Variants in GRHL3 observed in about 807,000 individuals in gnomAD.
The protein encoded by GRHL3 is grainyhead-like protein 3 homolog.
GRHL3 carries 20 observed loss-of-function variants against 70.3 expected under a neutral mutation model. The observed-to-expected ratio is 0.28, with a 90% CI of 0.20 to 0.41. The LOEUF is 0.41. GRHL3 is among the 10% of genes least tolerant of loss of function. GRHL3 has a pLI of 1.00. For missense variants in GRHL3, 637 were observed against 762.3 expected (o/e 0.84, Z 1.94); for synonymous variants, 299 against 299.9 (o/e 1.00, Z 0.03).
intron 1 of GRHL3, among the ~76,000 whole-genome samples, chr1:24,328,953 GT>G (rs940842402): frequency 6.6e-6 from 1 of 152,152 alleles, no homozygotes; most frequent in African/African-American, 2.4e-5. Flanking sequence ...TTGGTTGGGA[GT>G]TTCCATTAGC....
intron 15 of GRHL3, among the ~76,000 whole-genome samples, chr1:24,351,735 C>T (rs1014607938): frequency 6.6e-6 from 1 of 152,160 alleles, no homozygotes; most frequent in Non-Finnish European, 1.5e-5. Flanking sequence ...CCAGAGGCTT[C>T]CCCTTAAGCC....
In GRHL3 at chr1:24,321,844, T is replaced by C. The variant is rs1396298973; in HGVS notation, c.17+2276T>C. On this transcript the variant is annotated intron_variant, in intron 1 of 15. Coordinates refer to ENST00000361548, the MANE Select transcript of GRHL3 (RefSeq NM_198173.3). This position sits in a 1 kb window ranked among gnomAD's most constrained non-coding sequence, Gnocchi z 4.0. The stretch of plus-strand genomic sequence containing the variant: ...GCTGGCGGGTGCTGAGCGCCGGGCC[T>C]TTCATGTGGTCGCAGCGCTCTGGGT... 1.3e-5 allele frequency: 2 copies of C among 152,144 alleles called. No individual in the cohort carries two copies. The highest frequency in any genetic ancestry group is 1.3e-4 in the Admixed American group (2 of 15,276). 9.4% of individuals were successfully genotyped at this position (152,144 alleles called of 1,614,324 possible). A position where few individuals can be genotyped will look rare whatever the true frequency, so the allele number is the denominator to read the frequency against.
intron 8 of GRHL3, 117 bp from the exon 9 acceptor site, chr1:24,341,998 G>T: frequency 1.1e-6 from 1 of 928,240 alleles, no homozygotes; most frequent in South Asian, 2.4e-5. Context: ...TAGGGGCCTA[G>T]TGAGGCTTAA....
At chr1:24,354,334 C>T (rs779694407) in intron 15 of GRHL3, 40 bp from the exon 16 acceptor site, 16 of 1,427,774 alleles carry the variant, frequency 1.1e-5, no homozygotes, top group African/African-American at 9.8e-5. Flanking sequence ...GAAAACAGGG[C>T]GCCTGCTGTG....
At chr1:24,329,385 C>T (rs1639517789) in intron 1 of GRHL3, among the ~76,000 whole-genome samples, 1 of 152,248 alleles carries the variant, frequency 6.6e-6, no homozygotes, top group South Asian at 2.1e-4. Flanking sequence ...ACAGGGGTCT[C>T]TGCCCACCCA....
chr1:24,338,644 C>T (rs917205273), intron 7 of GRHL3, among the ~76,000 whole-genome samples: 3 of 152,244 alleles, frequency 2.0e-5, no homozygotes, highest in African/African-American at 7.2e-5. Context: ...CTCAAATGGG[C>T]TGAGGCCAGC....
chr1:24,352,486 C>T (rs919764728), intron 15 of GRHL3, among the ~76,000 whole-genome samples: 3 of 152,114 alleles, frequency 2.0e-5, no homozygotes, highest in African/African-American at 7.2e-5. Flanking sequence ...CTCAGGGGCC[C>T]GCTGTCATTA....
intron 11 of GRHL3, among the ~76,000 whole-genome samples, chr1:24,344,203 ACT>A (rs1640156423): frequency 1.3e-5 from 2 of 151,708 alleles, no homozygotes; most frequent in Admixed American, 1.3e-4. Context: ...TTGAACCCTG[ACT>A]CTGCCTCCTG....
At position 24,337,809 on chromosome 1, in the gene GRHL3, C is replaced by G; in HGVS notation, c.840+20C>G. ...GTCAAGGTGCGTTGGCCTGGAGCAG[C>G]TTCAGAAGGGGTGGAATGGGGCAAG... is the stretch of plus-strand genomic sequence containing the variant. On this transcript the variant is annotated intron_variant, in intron 6 of 15. Coordinates refer to ENST00000361548, the MANE Select transcript of GRHL3 (RefSeq NM_198173.3). The G allele has an allele frequency of 3.1e-6, 5 of 1,613,948 alleles. No homozygotes were observed. Among genetic ancestry groups the G allele is most frequent in the Non-Finnish European group, 4.2e-6 (5 of 1,179,954 alleles).
intron 11 of GRHL3, chr1:24,343,395 T>G: frequency 4.3e-6 from 1 of 230,476 alleles, no homozygotes; most frequent in East Asian, 9.3e-5. Flanking sequence ...GGCATCACCG[T>G]CCTTACCCTT....
chr1:24,332,192 T>C (rs1639638951), intron 2 of GRHL3, among the ~76,000 whole-genome samples: 1 of 152,222 alleles, frequency 6.6e-6, no homozygotes, highest in Admixed American at 6.5e-5. Flanking sequence ...TCCTACTCTT[T>C]AACCCATTCC....
chr1:24,330,152 G>C (rs907224665), intron 1 of GRHL3, among the ~76,000 whole-genome samples: 5 of 152,112 alleles, frequency 3.3e-5, no homozygotes, highest in Non-Finnish European at 7.4e-5. Flanking sequence ...CCTTTACATT[G>C]TATAATGACC....
chr1:24,339,041 T>G (rs1639934448), intron 7 of GRHL3, among the ~76,000 whole-genome samples: 1 of 152,220 alleles, frequency 6.6e-6, no homozygotes, highest in South Asian at 2.1e-4. Context: ...TGCTGCTTCA[T>G]CTGGGAGAAG....
Position 24,324,377 on chromosome 1 carries a change from C to CAA in GRHL3, c.17+4810_17+4811insAA, listed in dbSNP as rs976604262. 2.8e-3 allele frequency among the ~76,000 whole-genome samples: 426 copies of CAA among 152,254 alleles called. 2 individuals are homozygous for CAA. The highest frequency in any genetic ancestry group is 2.4e-3 in the Non-Finnish European group (160 of 68,010). On this transcript the variant is annotated intron_variant, in intron 1 of 15. Transcript: ENST00000361548. ...TTCCTCTTAAGTGGAAATCTCCAAG[C>CAA]ATCAGGATGATTCTGCCAGCTAGGA...
intron 14 of GRHL3, 127 bp downstream of exon 14, chr1:24,347,680 C>A (rs576999029): frequency 1.8e-4 from 134 of 748,506 alleles, no homozygotes; most frequent in Non-Finnish European, 2.4e-4. Context: ...ACCCGTCCCA[C>A]CCTGTCCAGG....
chr1:24,328,718 A>G (rs182023164), intron 1 of GRHL3, among the ~76,000 whole-genome samples: 1 of 152,362 alleles, frequency 6.6e-6, no homozygotes, highest in East Asian at 1.9e-4. Context: ...TCTTGCCCCA[A>G]GCTGACCTGG....
Position 24,337,860 on chromosome 1 carries a change from C to T in GRHL3, c.840+71C>T, listed in dbSNP as rs1030224411. ...ATATACCTCCTCCTTGGGCTAGCCA[C>T]GGACCCTGGGGAAAGGCTGTTTGAT... On this transcript the variant is annotated intron_variant, in intron 6 of 15. Transcript: ENST00000361548. 3.6e-5 allele frequency: 58 copies of T among 1,598,708 alleles called. 2 individuals carry two copies. Among genetic ancestry groups the T allele is most frequent in the East Asian group, 2.5e-4 (11 of 44,796 alleles).
At chr1:24,357,347 C>G (rs776715763), downstream of GRHL3, 3 of 152,304 alleles carry the variant, frequency 2.0e-5, no homozygotes, top group Non-Finnish European at 4.4e-5. Flanking sequence ...ACCTCCTGAA[C>G]TTCCCACCCA....
intron 13 of GRHL3, among the ~76,000 whole-genome samples, chr1:24,347,187 C>G (rs1019679264): frequency 1.3e-5 from 2 of 152,212 alleles, no homozygotes; most frequent in Admixed American, 1.3e-4. Flanking sequence ...GCGGACAGAG[C>G]CTCCATTTTA....
Sources: gnomAD v4.1 joint callset for allele counts (sites outside exome capture counted in the v4.1 genomes callset) on GRCh38, gnomAD v4.1.1 for gene constraint, Gnocchi (gnomAD v3.1) non-coding constraint, MANE v1.5 for transcripts, NCBI Gene and HGNC (gene_info 2026-07-23, HGNC 2026-07-21) for gene names.